The following PRKN variants were observed in gnomAD, a reference collection of about 807,000 sequenced individuals.
PRKN encodes parkin RBR E3 ubiquitin protein ligase.
Under a neutral mutation model 59.5 loss-of-function variants are expected in PRKN, and 56 were observed. The ratio of observed to expected loss-of-function variants is 0.94; its 90% CI spans 0.76 to 1.18. PRKN has a LOEUF of 1.18. Ranked by LOEUF, PRKN falls within the 50% of genes most tolerant of loss-of-function variation. The pLI, the probability that PRKN is intolerant of heterozygous loss-of-function variation, is 0.00. For missense variants in PRKN, 657 were observed against 596.4 expected (o/e 1.10, Z -1.06); for synonymous variants, 250 against 222.1 (o/e 1.13, Z -1.12).
rs71004043 is a variant in PRKN at position 161,364,168 on chromosome 6, C to CA, written c.1168-3964dup. ...TGGGCAGCAGAGGGAGACTCCGTCT[C>CA]AAAAAAAAAAAAAAAAAAAGAAAAG... On this transcript the variant is annotated intron_variant, in intron 10 of 11. Coordinates refer to ENST00000366898, the MANE Select transcript of PRKN (RefSeq NM_004562.3). Among the ~76,000 whole-genome samples the CA allele has an allele frequency of 7.3e-3, 540 of 74,282 alleles. 12 individuals are homozygous for CA. Among genetic ancestry groups the CA allele is most frequent in the Admixed American group, 0.035 (213 of 6,136 alleles). 48.7% of individuals were successfully genotyped at this position (74,282 alleles called of 152,430 possible).
intron 4 of PRKN, among the ~76,000 whole-genome samples, chr6:162,067,475 T>A (rs1778387795): frequency 6.6e-6 from 1 of 152,214 alleles, no homozygotes; most frequent in South Asian, 2.1e-4. Flanking sequence ...TTACTTATAA[T>A]ACATCAGGGA....
At chr6:161,970,399 C>T (rs1780755365) in intron 6 of PRKN, among the ~76,000 whole-genome samples, 1 of 146,266 alleles carries the variant, frequency 6.8e-6, no homozygotes, top group Non-Finnish European at 1.5e-5. Context: ...TGATACGAAA[C>T]TATATATATA....
At chr6:161,531,584 T>C (rs984452776) in intron 9 of PRKN, among the ~76,000 whole-genome samples, 7 of 152,016 alleles carry the variant, frequency 4.6e-5, no homozygotes, top group African/African-American at 1.7e-4. Context: ...GAATCCAAAA[T>C]AGGCTCAAAG....
chr6:162,095,952 C>G (rs111632978), intron 4 of PRKN, among the ~76,000 whole-genome samples: 21 of 152,302 alleles, frequency 1.4e-4, no homozygotes, highest in African/African-American at 4.8e-4. Flanking sequence ...CAGTGCCTAA[C>G]AGCATTCCAT....
chr6:161,422,475 A>T (rs1434949094), intron 9 of PRKN, among the ~76,000 whole-genome samples: 1 of 152,196 alleles, frequency 6.6e-6, no homozygotes, highest in Non-Finnish European at 1.5e-5. Context: ...CTGGGATTAC[A>T]GGCATGAGCC....
chr6:161,899,810 G>A (rs1777815087), intron 6 of PRKN, among the ~76,000 whole-genome samples: 1 of 152,156 alleles, frequency 6.6e-6, no homozygotes, highest in Non-Finnish European at 1.5e-5. Context: ...GTACAGCAGG[G>A]AAGTCATATA....
intron 1 of PRKN, among the ~76,000 whole-genome samples, chr6:162,650,577 G>A (rs1280693334): frequency 3.2e-5 from 4 of 124,514 alleles, no homozygotes; most frequent in East Asian, 2.4e-4. Flanking sequence ...CAGCCTGGGC[G>A]ACAGAGCGAG....
chr6:161,532,191 T>TAA (rs1554272732), intron 9 of PRKN, among the ~76,000 whole-genome samples: 116 of 142,002 alleles, frequency 8.2e-4, no homozygotes, highest in African/African-American at 2.9e-3. Context: ...TATATATATA[T>TAA]AATCTATCTA....
intron 7 of PRKN, among the ~76,000 whole-genome samples, chr6:161,749,099 G>C (rs913455136): frequency 6.6e-6 from 1 of 152,146 alleles, no homozygotes; most frequent in African/African-American, 2.4e-5. Flanking sequence ...AAGGATTCAG[G>C]GCCGGGAGGC....
At chr6:162,587,974 A>G (rs1395693163) in intron 1 of PRKN, among the ~76,000 whole-genome samples, 4 of 151,636 alleles carry the variant, frequency 2.6e-5, no homozygotes, top group African/African-American at 9.7e-5. Context: ...AAAAAGTTAC[A>G]TATCAACATA....
intron 7 of PRKN, among the ~76,000 whole-genome samples, chr6:161,650,417 A>G (rs928140624): frequency 6.6e-6 from 1 of 152,112 alleles, no homozygotes; most frequent in African/African-American, 2.4e-5. Context: ...TGTGTTTTAT[A>G]CAGTTTGTCT....
At chr6:162,406,372 CTCTAG>C (rs1208329359) in intron 2 of PRKN, among the ~76,000 whole-genome samples, 1 of 152,298 alleles carries the variant, frequency 6.6e-6, no homozygotes, top group East Asian at 1.9e-4. Context: ...CTCTTACCTT[CTCTAG>C]TCAAGAGTTC....
intron 6 of PRKN, among the ~76,000 whole-genome samples, chr6:161,910,720 T>C (rs941379100): frequency 4.6e-5 from 7 of 152,156 alleles, no homozygotes; most frequent in Admixed American, 3.3e-4. Context: ...GAAGACTCAA[T>C]TGATGTGGCA....
At chr6:162,687,343 A>G (rs2849529) in intron 1 of PRKN, among the ~76,000 whole-genome samples, 139,087 of 151,758 alleles carry the variant, frequency 0.92, 63,902 homozygotes, top group East Asian at 0.98. Flanking sequence ...TCACCACCAC[A>G]CCCGGCTAAT....
Position 162,486,321 on chromosome 6 carries a change from C to G in PRKN, c.8-42848G>C, listed in dbSNP as rs941701341. Among the ~76,000 whole-genome samples the G allele has an allele frequency of 3.3e-5, 5 of 152,202 alleles. No individual in the cohort carries two copies. In the East Asian group the frequency reaches 9.6e-4, roughly 29 times the overall value. The stretch of plus-strand genomic sequence containing the variant: ...AAATGGTATCATACAAAAAGTTCTA[C>G]AATTCCATTTGTACTCAATAATGCA... On this transcript the variant is annotated intron_variant, in intron 1 of 11. Transcript: ENST00000366898.
At chr6:161,935,688 C>T (rs1253018628) in intron 6 of PRKN, among the ~76,000 whole-genome samples, 1 of 151,910 alleles carries the variant, frequency 6.6e-6, no homozygotes, top group East Asian at 1.9e-4. Flanking sequence ...ATAGTGAAAT[C>T]ACTGATGTTT....
intron 2 of PRKN, among the ~76,000 whole-genome samples, chr6:162,402,065 C>T (rs949106059): frequency 6.6e-6 from 1 of 152,030 alleles, no homozygotes; most frequent in African/African-American, 2.4e-5. Context: ...GCCTGGCCGA[C>T]ATGGCAAAAC....
chr6:161,445,806 TTCCC>T lies in PRKN; in HGVS notation c.1084-58933_1084-58930del, dbSNP rs1233408972. Among the ~76,000 whole-genome samples, 17 of 89,152 alleles carry T rather than the reference TTCCC, an allele frequency of 1.9e-4. 1 individual carries two copies. In the South Asian group the frequency reaches 4.9e-3, roughly 26 times the overall value. The allele number at this position is 89,152 out of a possible 152,430, so 58.5% of individuals were successfully genotyped here. On this transcript the variant is annotated intron_variant, in intron 9 of 11. Coordinates refer to ENST00000366898, the MANE Select transcript of PRKN (RefSeq NM_004562.3). The surrounding 1 kb of genome is among the most constrained non-coding windows in gnomAD (Gnocchi z 7.7). ...AAGAATACAAGGGGTTTCCCTTCCCTTCCCTTCCCTTCCCTTCCCTTCCCTTCCC... is the reference window on the plus strand; with the variant it reads ...AAGAATACAAGGGGTTTCCCTTCCCTTTCCCTTCCCTTCCCTTCCCTTCCC...
chr6:161,876,230 T>C (rs11966256), intron 6 of PRKN, among the ~76,000 whole-genome samples: 35,428 of 152,120 alleles, frequency 0.23, 5,108 homozygotes, highest in African/African-American at 0.4. Context: ...ACTATATTAC[T>C]GAATATCTCC....
Sources: gnomAD v4.1 joint callset for allele counts (sites outside exome capture counted in the v4.1 genomes callset) on GRCh38, gnomAD v4.1.1 for gene constraint, Gnocchi (gnomAD v3.1) non-coding constraint, MANE v1.5 for transcripts, NCBI Gene and HGNC (gene_info 2026-07-23, HGNC 2026-07-21) for gene names.